HIVEP3: variants seen among roughly 807,000 people sequenced by gnomAD.
The protein encoded by HIVEP3 is transcription factor HIVEP3.
In HIVEP3, 49 loss-of-function variants were observed where a neutral mutation model predicts 152.8. That is an observed-to-expected ratio of 0.32 (90% CI 0.26 to 0.41). The LOEUF (loss-of-function observed/expected upper bound fraction) is 0.41, where lower values mean the gene tolerates loss of function less well. Ranked by LOEUF, HIVEP3 falls within the 10% of genes least tolerant of loss-of-function variation. The pLI is 1.00. For synonymous variants in HIVEP3, 1,269 were observed against 1,289.0 expected, an observed-to-expected ratio of 0.98 and a Z score of 0.33; for missense variants, 2,790 against 3,103.3, an observed-to-expected ratio of 0.90 and a Z score of 2.40.
chr1:41,756,842 A>C (rs1647330311), intron 1 of HIVEP3, among the ~76,000 whole-genome samples: 1 of 152,234 alleles, frequency 6.6e-6, no homozygotes, highest in Non-Finnish European at 1.5e-5. Context: ...CCTGGATCTC[A>C]GTATAGTGCC....
chr1:41,915,339 T>A (rs1570801193), intron 1 of HIVEP3, among the ~76,000 whole-genome samples: 1 of 152,364 alleles, frequency 6.6e-6, no homozygotes, highest in South Asian at 2.1e-4. Flanking sequence ...AGCTTTAGAA[T>A]TCCATGCCTT....
intron 3 of HIVEP3, among the ~76,000 whole-genome samples, chr1:41,610,760 C>T (rs1570099219): frequency 6.6e-6 from 1 of 152,170 alleles, no homozygotes; most frequent in South Asian, 2.1e-4. Context: ...GTGAGGCATT[C>T]GCACTCTAGG....
At chr1:41,558,114 TTCC>T (rs948830226) in intron 5 of HIVEP3, among the ~76,000 whole-genome samples, 1 of 152,178 alleles carries the variant, frequency 6.6e-6, no homozygotes, top group African/African-American at 2.4e-5. Context: ...GGGCCCCCAT[TTCC>T]TCCTAAGTGA....
intron 1 of HIVEP3, among the ~76,000 whole-genome samples, chr1:41,859,054 C>A (rs187083001): frequency 6.6e-6 from 1 of 152,284 alleles, no homozygotes; most frequent in East Asian, 1.9e-4. Flanking sequence ...ATATGCTGCC[C>A]AGGGTTATTA....
At chr1:41,946,489 C>T (rs1029226806) in intron 1 of HIVEP3, among the ~76,000 whole-genome samples, 1 of 152,216 alleles carries the variant, frequency 6.6e-6, no homozygotes, top group African/African-American at 2.4e-5. Flanking sequence ...CAGCCAGTCA[C>T]TACATACTTC....
intron 1 of HIVEP3, among the ~76,000 whole-genome samples, chr1:41,845,556 T>C (rs571623314): frequency 6.6e-6 from 1 of 152,028 alleles, no homozygotes; most frequent in African/African-American, 2.4e-5. Flanking sequence ...CATTCAGTAA[T>C]AATATTGCCA....
chr1:41,685,567 A>T (rs1223078892), intron 2 of HIVEP3, among the ~76,000 whole-genome samples: 1 of 152,130 alleles, frequency 6.6e-6, no homozygotes, highest in Non-Finnish European at 1.5e-5. Flanking sequence ...CTTTGCCCCC[A>T]TGCCCAGCTC....
In HIVEP3 at chr1:42,003,588, A is replaced by G. The variant is rs568454706; in HGVS notation, n.119+32219T>C. The stretch of plus-strand genomic sequence containing the variant: ...CACCTTGGGAGCAAGTCCCCCAGGC[A>G]CTCCTTCCTGGCACAGATCCTGAAA... On this transcript the variant is annotated intron_variant and non_coding_transcript_variant, in intron 1 of 3. Transcript: ENST00000489103. Among the ~76,000 whole-genome samples, 4 of 151,892 alleles carry G rather than the reference A, an allele frequency of 2.6e-5. No homozygotes were observed. The South Asian group carries it at 8.4e-4, about 32-fold the overall frequency.
chr1:41,720,451 A>T (rs1646658570), intron 1 of HIVEP3, among the ~76,000 whole-genome samples: 1 of 152,236 alleles, frequency 6.6e-6, no homozygotes, highest in African/African-American at 2.4e-5. Context: ...AGCACTGAAT[A>T]TACTACATTA....
chr1:41,528,142 A>G (rs1193773912), intron 5 of HIVEP3, among the ~76,000 whole-genome samples: 2 of 96,032 alleles, frequency 2.1e-5, no homozygotes, highest in African/African-American at 8.8e-5. Flanking sequence ...CATACTCCAC[A>G]CCCCTACACT....
intron 1 of HIVEP3, among the ~76,000 whole-genome samples, chr1:41,933,560 C>T (rs1570822580): frequency 6.6e-6 from 1 of 152,062 alleles, no homozygotes; most frequent in East Asian, 1.9e-4. Flanking sequence ...GTCTTTATAA[C>T]TAAAGTGGGT....
intron 5 of HIVEP3, among the ~76,000 whole-genome samples, chr1:41,527,777 C>T (rs1205994499): frequency 6.8e-6 from 1 of 147,760 alleles, no homozygotes; most frequent in South Asian, 2.2e-4. Flanking sequence ...CACACTCCTG[C>T]ACTCACACTC....
intron 5 of HIVEP3, among the ~76,000 whole-genome samples, chr1:41,525,990 GC>G (rs398052935): frequency 7.5e-6 from 1 of 133,708 alleles, no homozygotes; most frequent in Non-Finnish European, 1.8e-5. Flanking sequence ...TCCAACGCCA[GC>G]CAGAGTTGCC....
At chr1:41,945,166 A>C (rs1421673685) in intron 1 of HIVEP3, among the ~76,000 whole-genome samples, 1 of 151,978 alleles carries the variant, frequency 6.6e-6, no homozygotes, top group Non-Finnish European at 1.5e-5. Flanking sequence ...TTCAGAGTCT[A>C]CCTCCCTACC....
intron 1 of HIVEP3, among the ~76,000 whole-genome samples, chr1:41,989,816 C>G (rs1645346566): frequency 6.7e-6 from 1 of 149,658 alleles, no homozygotes; most frequent in Non-Finnish European, 1.5e-5. Context: ...CTATGTGTGT[C>G]TCTGCACGTG....
chr1:41,610,153 A>G (rs1644877705), intron 3 of HIVEP3, among the ~76,000 whole-genome samples: 1 of 152,008 alleles, frequency 6.6e-6, no homozygotes, highest in South Asian at 2.1e-4. Context: ...ATTCCTTAAA[A>G]TCTCTCTCTC....
chr1:41,747,819 T>C (rs1053157347), intron 1 of HIVEP3, among the ~76,000 whole-genome samples: 3 of 152,240 alleles, frequency 2.0e-5, no homozygotes, highest in East Asian at 1.9e-4. Flanking sequence ...AATGCTGCTA[T>C]GAGCATCTTT....
intron 1 of HIVEP3, among the ~76,000 whole-genome samples, chr1:41,893,615 G>A (rs984876748): frequency 1.3e-5 from 2 of 151,936 alleles, no homozygotes; most frequent in African/African-American, 2.4e-5. Flanking sequence ...AGAGTGCTGG[G>A]CTCAAATTCT....
chr1:41,871,550 C>T (rs1404240827), intron 1 of HIVEP3, among the ~76,000 whole-genome samples: 2 of 152,104 alleles, frequency 1.3e-5, no homozygotes, highest in East Asian at 3.8e-4. Context: ...GATCTTTAAA[C>T]AGTAAGTGAA....
Sources: allele counts gnomAD v4.1 joint callset (sites outside exome capture counted in the v4.1 genomes callset), GRCh38; gene constraint gnomAD v4.1.1; transcripts MANE v1.5; gene names NCBI Gene and HGNC (gene_info 2026-07-23, HGNC 2026-07-21).